TRAPPC8: variants seen among roughly 807,000 people sequenced by gnomAD.
TRAPPC8 encodes trafficking protein particle complex subunit 8.
TRAPPC8 carries 54 observed loss-of-function variants against 174.3 expected under a neutral mutation model. The observed-to-expected ratio is 0.31, with a 90% confidence interval of 0.25 to 0.39. The LOEUF is 0.39. Ranked by LOEUF, TRAPPC8 falls within the 10% of genes least tolerant of loss-of-function variation. The pLI is 1.00. For synonymous variants in TRAPPC8, 630 were observed against 579.9 expected, an observed-to-expected ratio of 1.09 and a Z score of -1.24; for missense variants, 1,531 against 1,699.1, an observed-to-expected ratio of 0.90 and a Z score of 1.74.
chr18:31,846,700 C>A lies in TRAPPC8; in HGVS notation c.3837+16G>T. Reference sequence around the variant, plus strand: ...ACAAGTTCACCAGAAAGCTCCAAAGCAAACTATGTTATCACCTGTTTCTGA... The same window carrying A: ...ACAAGTTCACCAGAAAGCTCCAAAGAAAACTATGTTATCACCTGTTTCTGA... On this transcript the variant is annotated intron_variant, in intron 26 of 28. Coordinates refer to ENST00000283351, the MANE Select transcript of TRAPPC8 (RefSeq NM_014939.5). 1 of 1,565,588 alleles carries A rather than the reference C, an allele frequency of 6.4e-7. No individual in the cohort carries two copies. The highest frequency in any genetic ancestry group is 8.7e-7 in the Non-Finnish European group (1 of 1,153,424).
chr18:31,877,945 G>C (rs1286559826), intron 12 of TRAPPC8, among the ~76,000 whole-genome samples: 1 of 148,372 alleles, frequency 6.7e-6, no homozygotes, highest in Non-Finnish European at 1.5e-5. Flanking sequence ...AAAAAAAAGT[G>C]ACCCCATGCC....
chr18:31,927,872 T>C (rs1422928241), intron 2 of TRAPPC8, among the ~76,000 whole-genome samples: 1 of 152,088 alleles, frequency 6.6e-6, no homozygotes, highest in Non-Finnish European at 1.5e-5. Flanking sequence ...ACATAGCAAA[T>C]GAGTGGACCT....
intron 25 of TRAPPC8, among the ~76,000 whole-genome samples, chr18:31,847,664 C>G (rs1433223187): frequency 6.6e-6 from 1 of 152,086 alleles, no homozygotes; most frequent in Non-Finnish European, 1.5e-5. Context: ...TGTTCAGCGT[C>G]TATATTTGCA....
At position 31,874,537 on chromosome 18, in the gene TRAPPC8, A is replaced by G; in HGVS notation, c.1896T>C (p.Ser632=). ...CCCCCTGTTGAGCAGCAGATTGTTT[A>G]CTTTCATTAATTAGAATATGCCTAA... The part of the protein sequence containing the change: ...SAFRHILINE[S]KQSAAQQGAF... The change falls in exon 13 of 29, where the codon AGT becomes AGC. Residue 632 remains serine (S), a synonymous_variant. Coordinates refer to ENST00000283351, the MANE Select transcript of TRAPPC8 (RefSeq NM_014939.5). The G allele has an allele frequency of 6.2e-7, 1 of 1,614,156 alleles. No individual in the cohort carries two copies.
chr18:31,868,894 G>A (rs954354514), intron 16 of TRAPPC8, among the ~76,000 whole-genome samples: 1 of 151,580 alleles, frequency 6.6e-6, no homozygotes, highest in Non-Finnish European at 1.5e-5. Flanking sequence ...TAGAGATGGG[G>A]GTCTCACTAT....
At chr18:31,870,298 T>C in intron 16 of TRAPPC8, 74 bp downstream of exon 16, 9 of 1,379,766 alleles carry the variant, frequency 6.5e-6, no homozygotes, top group African/African-American at 1.5e-5. Context: ...CTGAACAGAG[T>C]ACATTGAAAT....
chr18:31,920,713 G>GCATC (rs2037347143), intron 2 of TRAPPC8, among the ~76,000 whole-genome samples: 1 of 152,074 alleles, frequency 6.6e-6, no homozygotes, highest in Non-Finnish European at 1.5e-5. Context: ...GCCGAGGCAG[G>GCATC]CGGATCACCT....
chr18:31,856,503 G>C (rs2034023441), intron 20 of TRAPPC8, among the ~76,000 whole-genome samples: 1 of 152,036 alleles, frequency 6.6e-6, no homozygotes, highest in East Asian at 1.9e-4. Context: ...TGGGGTTATA[G>C]GTGTGAGCCA....
At chr18:31,854,562 A>C (rs943031200) in intron 21 of TRAPPC8, among the ~76,000 whole-genome samples, 10 of 152,206 alleles carry the variant, frequency 6.6e-5, no homozygotes, top group African/African-American at 2.2e-4. Flanking sequence ...AAGAAGTTAA[A>C]AGTAAAGAAC....
chr18:31,889,649 T>C (rs971150427), intron 12 of TRAPPC8, among the ~76,000 whole-genome samples: 7 of 152,310 alleles, frequency 4.6e-5, no homozygotes, highest in African/African-American at 1.7e-4. Flanking sequence ...TGTTAGAGCC[T>C]GAGAAATTCT....
At chr18:31,931,959 C>T (rs1436192276) in intron 1 of TRAPPC8, among the ~76,000 whole-genome samples, 3 of 152,192 alleles carry the variant, frequency 2.0e-5, no homozygotes, top group African/African-American at 7.2e-5. Flanking sequence ...TTTCCCTAGT[C>T]GGCCTGCATT....
chr18:31,850,859 C>G (rs1258058207), intron 24 of TRAPPC8, among the ~76,000 whole-genome samples: 1 of 151,942 alleles, frequency 6.6e-6, no homozygotes, highest in Non-Finnish European at 1.5e-5. Context: ...ATAAAAATTA[C>G]AATACAAGAG....
chr18:31,839,263 C>T (rs373040095), intron 27 of TRAPPC8, 49 bp downstream of exon 27: 35 of 1,540,980 alleles, frequency 2.3e-5, no homozygotes, highest in East Asian at 2.1e-4. Context: ...AACAAATACA[C>T]GTGCCAGTGT....
intron 16 of TRAPPC8, 71 bp downstream of exon 16, chr18:31,870,301 A>G: frequency 7.1e-7 from 1 of 1,413,982 alleles, no homozygotes; most frequent in African/African-American, 1.4e-5. Flanking sequence ...AACAGAGTAC[A>G]TTGAAATGTT....
At chr18:31,835,206 G>A (rs193198310) in intron 27 of TRAPPC8, among the ~76,000 whole-genome samples, 1 of 152,266 alleles carries the variant, frequency 6.6e-6, no homozygotes, top group African/African-American at 2.4e-5. Context: ...AGGTAAAGAT[G>A]AAGCATGTGT....
At chr18:31,898,456 T>C (rs2036275090) in intron 10 of TRAPPC8, among the ~76,000 whole-genome samples, 1 of 152,228 alleles carries the variant, frequency 6.6e-6, no homozygotes, top group Non-Finnish European at 1.5e-5. Flanking sequence ...ATCTCCTGCA[T>C]GCAAAAAAGC....
At chr18:31,839,506 T>TAAA in intron 26 of TRAPPC8, 49 bp from the exon 27 acceptor site, 7 of 1,138,438 alleles carry the variant, frequency 6.1e-6, no homozygotes, top group East Asian at 3.0e-5. Context: ...CTACCTTGTT[T>TAAA]AAAAAAAAAA....
chr18:31,889,513 A>T (rs759159990), intron 12 of TRAPPC8, among the ~76,000 whole-genome samples: 1 of 152,184 alleles, frequency 6.6e-6, no homozygotes, highest in Non-Finnish European at 1.5e-5. Context: ...ACATTTTGTC[A>T]TTTTTTGAAC....
At chr18:31,892,750 C>A (rs1182164470) in intron 11 of TRAPPC8, among the ~76,000 whole-genome samples, 1 of 152,062 alleles carries the variant, frequency 6.6e-6, no homozygotes, top group Non-Finnish European at 1.5e-5. Context: ...AAAAATGACA[C>A]CCGGGAGCTC....
Sources: allele counts gnomAD v4.1 joint callset (sites outside exome capture counted in the v4.1 genomes callset), GRCh38; gene constraint gnomAD v4.1.1; transcripts MANE v1.5; gene names NCBI Gene and HGNC (gene_info 2026-07-23, HGNC 2026-07-21).